The following LHFPL3 variants were observed in gnomAD, a reference collection of about 807,000 sequenced individuals.
The protein encoded by LHFPL3 is LHFPL tetraspan subfamily member 3.
Under a neutral mutation model 19.3 loss-of-function variants are expected in LHFPL3, and 5 were observed. The observed-to-expected ratio is 0.26, with a 90% CI of 0.14 to 0.54. The LOEUF (loss-of-function observed/expected upper bound fraction) is 0.54. LHFPL3 is among the 20% of genes least tolerant of loss of function. The pLI is 0.94. For synonymous variants in LHFPL3, 133 were observed against 126.2 expected (o/e 1.05, Z -0.36); for missense variants, 249 against 307.4 (o/e 0.81, Z 1.42).
chr7:104,529,956 C>T (rs1211477209), intron 1 of LHFPL3, among the ~76,000 whole-genome samples: 1 of 152,126 alleles, frequency 6.6e-6, no homozygotes, highest in African/African-American at 2.4e-5. Flanking sequence ...TATGCAGGTA[C>T]CAAGGCTCAG....
intron 2 of LHFPL3, among the ~76,000 whole-genome samples, chr7:104,868,059 G>T (rs1440522460): frequency 6.6e-6 from 1 of 152,086 alleles, no homozygotes; most frequent in Admixed American, 6.6e-5. Context: ...CAATAAATTA[G>T]GTATTGATGG....
intron 1 of LHFPL3, among the ~76,000 whole-genome samples, chr7:104,553,320 T>G (rs1214812461): frequency 1.3e-5 from 2 of 152,196 alleles, no homozygotes; most frequent in African/African-American, 4.8e-5. Flanking sequence ...ACAGCAACTG[T>G]ACTGTAAGGC....
chr7:104,900,491 C>G (rs1197574918), intron 2 of LHFPL3, among the ~76,000 whole-genome samples: 1 of 152,226 alleles, frequency 6.6e-6, no homozygotes, highest in Non-Finnish European at 1.5e-5. Context: ...TCTGCCCCTT[C>G]TCACCGAAGA....
chr7:104,645,118 A>G (rs560829490), intron 1 of LHFPL3, among the ~76,000 whole-genome samples: 1 of 152,320 alleles, frequency 6.6e-6, no homozygotes, highest in South Asian at 2.1e-4. Context: ...TTGCCTGTGT[A>G]GACACAGCTT....
chr7:104,874,930 T>TA (rs35893818), intron 2 of LHFPL3, among the ~76,000 whole-genome samples: 43,362 of 151,492 alleles, frequency 0.29, 6,322 homozygotes, highest in South Asian at 0.35. Context: ...CATTGCCCCC[T>TA]AAATCTCCCA....
intron 1 of LHFPL3, among the ~76,000 whole-genome samples, chr7:104,615,988 G>T (rs1791328463): frequency 6.6e-6 from 1 of 152,022 alleles, no homozygotes; most frequent in African/African-American, 2.4e-5. Context: ...AAATAAGAGA[G>T]GACACAAACC....
At chr7:104,522,317 C>T (rs1375740593) in intron 1 of LHFPL3, among the ~76,000 whole-genome samples, 1 of 143,600 alleles carries the variant, frequency 7.0e-6, no homozygotes, top group African/African-American at 2.6e-5. Flanking sequence ...TATTCTCACT[C>T]ATAGGTGGGA....
intron 2 of LHFPL3, among the ~76,000 whole-genome samples, chr7:104,741,788 C>T (rs1374293975): frequency 6.6e-6 from 1 of 152,102 alleles, no homozygotes; most frequent in African/African-American, 2.4e-5. Flanking sequence ...AAGGGATCCT[C>T]CTGCCTCGGC....
At chr7:104,498,698 G>A (rs1266813063) in intron 1 of LHFPL3, among the ~76,000 whole-genome samples, 1 of 151,994 alleles carries the variant, frequency 6.6e-6, no homozygotes, top group Non-Finnish European at 1.5e-5. Flanking sequence ...GGTTGGTCTC[G>A]AACTCCTGAC....
chr7:104,776,636 A>G (rs1226376044), intron 2 of LHFPL3, among the ~76,000 whole-genome samples: 1 of 152,210 alleles, frequency 6.6e-6, no homozygotes, highest in Non-Finnish European at 1.5e-5. Context: ...TCCCAAGAAC[A>G]TACTTTGAGA....
intron 1 of LHFPL3, among the ~76,000 whole-genome samples, chr7:104,556,122 G>A (rs1409263988): frequency 1.8e-4 from 27 of 152,184 alleles, no homozygotes; most frequent in Admixed American, 1.2e-3. Flanking sequence ...GAGTGTCTGT[G>A]GCTTTTCCAA....
At chr7:104,738,169 G>T (rs144818685) in intron 2 of LHFPL3, among the ~76,000 whole-genome samples, 1 of 152,218 alleles carries the variant, frequency 6.6e-6, no homozygotes, top group South Asian at 2.1e-4. Flanking sequence ...TTACACAGGG[G>T]AGTGGTGCTG....
intron 1 of LHFPL3, among the ~76,000 whole-genome samples, chr7:104,522,727 T>C (rs926397066): frequency 1.3e-5 from 2 of 152,062 alleles, no homozygotes; most frequent in African/African-American, 2.4e-5. Context: ...CTCCAGTTCA[T>C]GTAAAGAGGA....
At chr7:104,823,833 T>A (rs922329196) in intron 2 of LHFPL3, among the ~76,000 whole-genome samples, 2 of 152,078 alleles carry the variant, frequency 1.3e-5, no homozygotes, top group Middle Eastern at 3.4e-3. Flanking sequence ...ATATGGCTAA[T>A]AAACTATTCA....
intron 1 of LHFPL3, among the ~76,000 whole-genome samples, chr7:104,675,048 T>A (rs1792565547): frequency 6.6e-6 from 1 of 152,142 alleles, no homozygotes; most frequent in South Asian, 2.1e-4. Flanking sequence ...AACTAGACAA[T>A]AAGCAAATTC....
intron 1 of LHFPL3, among the ~76,000 whole-genome samples, chr7:104,570,141 T>TTG (rs2115984779): frequency 6.6e-6 from 1 of 152,332 alleles, no homozygotes; most frequent in Non-Finnish European, 1.5e-5. Context: ...CATTGGAAAA[T>TTG]TGTGGGGTGG....
At chr7:104,693,669 G>C (rs997469282) in intron 1 of LHFPL3, among the ~76,000 whole-genome samples, 1 of 151,392 alleles carries the variant, frequency 6.6e-6, no homozygotes, top group Non-Finnish European at 1.5e-5. Flanking sequence ...ATGAGGAACT[G>C]TGAGTCAATT....
At chr7:104,345,582 CTA>C (rs1417303848) in intron 1 of LHFPL3, among the ~76,000 whole-genome samples, 1 of 151,988 alleles carries the variant, frequency 6.6e-6, no homozygotes, top group East Asian at 1.9e-4. Context: ...TAACAAAAGT[CTA>C]TGTTCATTAT....
chr7:104,343,529 A>G (rs1790001393), intron 1 of LHFPL3, among the ~76,000 whole-genome samples: 1 of 38,534 alleles, frequency 2.6e-5, no homozygotes, highest in Non-Finnish European at 4.3e-5. Context: ...AAAAAAAAAA[A>G]AAAAAAAAAA....
Sources: gnomAD v4.1 joint callset for allele counts (sites outside exome capture counted in the v4.1 genomes callset) on GRCh38, gnomAD v4.1.1 for gene constraint, MANE v1.5 for transcripts, NCBI Gene and HGNC (gene_info 2026-07-23, HGNC 2026-07-21) for gene names.